PLCXD3: variants seen among roughly 807,000 people sequenced by gnomAD.
The protein encoded by PLCXD3 is phosphatidylinositol specific phospholipase C X domain containing 3.
Under a neutral mutation model 25.5 loss-of-function variants are expected in PLCXD3, and 19 were observed. The observed-to-expected ratio is 0.75, with a 90% CI of 0.52 to 1.09. The LOEUF (loss-of-function observed/expected upper bound fraction) is 1.09, where lower values mean the gene tolerates loss of function less well. Among genes scored for constraint, PLCXD3 ranks in the 50% least tolerant of loss-of-function variants. PLCXD3 has a pLI of 0.00. For missense variants in PLCXD3, 411 were observed against 388.1 expected (o/e 1.06, Z -0.50); for synonymous variants, 174 against 137.6 (o/e 1.26, Z -1.85).
chr5:41,448,313 T>C (rs1317040125), intron 1 of PLCXD3, among the ~76,000 whole-genome samples: 4 of 152,284 alleles, frequency 2.6e-5, no homozygotes, highest in Admixed American at 6.5e-5. Context: ...GAATAGGAGA[T>C]GTCTGAGGCC....
At chr5:41,428,374 G>GTTTTTTTTTTTTTTTTTT (rs373244601) in intron 1 of PLCXD3, among the ~76,000 whole-genome samples, 3 of 91,600 alleles carry the variant, frequency 3.3e-5, no homozygotes, top group African/African-American at 1.2e-4. Context: ...GTTAAAATGA[G>GTTTTTTTTTTTTTTTTTT]TTTTTTTGTT....
intron 1 of PLCXD3, among the ~76,000 whole-genome samples, chr5:41,394,578 A>G (rs1324385828): frequency 6.6e-6 from 1 of 152,144 alleles, no homozygotes; most frequent in Non-Finnish European, 1.5e-5. Context: ...AACACACTTT[A>G]CCCATAAAGT....
intron 2 of PLCXD3, among the ~76,000 whole-genome samples, chr5:41,369,124 C>T (rs1234385220): frequency 6.6e-6 from 1 of 152,092 alleles, no homozygotes; most frequent in Admixed American, 6.6e-5. Context: ...TCATGGAAGA[C>T]CATGTAGAAA....
rs138441326 is a variant in PLCXD3, at chr5:41,318,884, G to A, written c.813-5114C>T. ...TCACCTGTAAAGACACACATAGACC[G>A]AAAATAAAGGGTTGGAAAAAGATTC... On this transcript the variant is annotated intron_variant, in intron 2 of 2. Coordinates refer to ENST00000377801, the MANE Select transcript of PLCXD3 (RefSeq NM_001005473.3). 4.2e-3 allele frequency among the ~76,000 whole-genome samples: 634 copies of A among 152,092 alleles called. 6 individuals are homozygous for A. The highest frequency in any genetic ancestry group is 0.015 in the African/African-American group (605 of 41,512).
intron 1 of PLCXD3, among the ~76,000 whole-genome samples, chr5:41,383,469 C>G (rs559164760): frequency 6.6e-6 from 1 of 151,910 alleles, no homozygotes; most frequent in East Asian, 1.9e-4. Flanking sequence ...TTATTAGGAC[C>G]CAATAAAGAA....
chr5:41,330,974 G>C (rs1382564012), intron 2 of PLCXD3, among the ~76,000 whole-genome samples: 10 of 152,108 alleles, frequency 6.6e-5, no homozygotes, highest in African/African-American at 1.4e-4. Flanking sequence ...CTATGACAAA[G>C]CCACAGCCAA....
chr5:41,395,006 G>A (rs970466191), intron 1 of PLCXD3, among the ~76,000 whole-genome samples: 1 of 152,128 alleles, frequency 6.6e-6, no homozygotes, highest in East Asian at 1.9e-4. Context: ...TTTTATCCAT[G>A]AGCTGCAGAA....
intron 1 of PLCXD3, among the ~76,000 whole-genome samples, chr5:41,478,403 C>A (rs556825578): frequency 1.3e-5 from 2 of 152,296 alleles, no homozygotes; most frequent in African/African-American, 4.8e-5. Context: ...GAGTTAACAT[C>A]TAGATTTTAA....
rs548051702 is a variant in PLCXD3 at position 41,476,841 on chromosome 5, G to A, written c.103+33583C>T. ...GAAAACTGAAGTACAGAAAGGTTAGGGAGGTCCTAGTGTTTCCATCAAGGC... is the reference window on the plus strand; with the variant it reads ...GAAAACTGAAGTACAGAAAGGTTAGAGAGGTCCTAGTGTTTCCATCAAGGC... On this transcript the variant is annotated intron_variant, in intron 1 of 2. Coordinates refer to ENST00000377801, the MANE Select transcript of PLCXD3 (RefSeq NM_001005473.3). 3.3e-5 allele frequency among the ~76,000 whole-genome samples: 5 copies of A among 152,260 alleles called. No homozygotes were observed. The South Asian group carries it at 8.3e-4, about 25-fold the overall frequency.
intron 1 of PLCXD3, among the ~76,000 whole-genome samples, chr5:41,477,841 C>G (rs1315631653): frequency 6.6e-6 from 1 of 152,192 alleles, no homozygotes; most frequent in Non-Finnish European, 1.5e-5. Flanking sequence ...TCATTAAAAG[C>G]CTTCATCTCT....
At chr5:41,334,786 T>G (rs1276516993) in intron 2 of PLCXD3, among the ~76,000 whole-genome samples, 1 of 152,090 alleles carries the variant, frequency 6.6e-6, no homozygotes, top group South Asian at 2.1e-4. Flanking sequence ...GTTCATAAAA[T>G]GCACTCTGTC....
At chr5:41,368,410 G>T (rs36167572) in intron 2 of PLCXD3, among the ~76,000 whole-genome samples, 1 of 152,156 alleles carries the variant, frequency 6.6e-6, no homozygotes. Flanking sequence ...TGGTGAAGTT[G>T]CTTGTCAGCT....
At chr5:41,395,513 C>A (rs1226798542) in intron 1 of PLCXD3, among the ~76,000 whole-genome samples, 1 of 151,628 alleles carries the variant, frequency 6.6e-6, no homozygotes, top group Non-Finnish European at 1.5e-5. Flanking sequence ...TACAAAATAT[C>A]AATGAAACAA....
At chr5:41,469,240 T>G (rs1748096045) in intron 1 of PLCXD3, among the ~76,000 whole-genome samples, 1 of 152,214 alleles carries the variant, frequency 6.6e-6, no homozygotes, top group Non-Finnish European at 1.5e-5. Context: ...ATGATCATGA[T>G]GAATCATTCT....
At chr5:41,404,118 G>C (rs920023251) in intron 1 of PLCXD3, among the ~76,000 whole-genome samples, 16 of 152,104 alleles carry the variant, frequency 1.1e-4, no homozygotes, top group Non-Finnish European at 2.4e-4. Flanking sequence ...GCAATGGAGT[G>C]CACTGAAAGC....
intron 1 of PLCXD3, among the ~76,000 whole-genome samples, chr5:41,504,392 T>A (rs1197727146): frequency 6.6e-6 from 1 of 152,134 alleles, no homozygotes; most frequent in Non-Finnish European, 1.5e-5. Context: ...CCACATAAAA[T>A]CATACCTTAG....
intron 2 of PLCXD3, among the ~76,000 whole-genome samples, chr5:41,376,744 A>C (rs1250745028): frequency 6.6e-6 from 1 of 152,046 alleles, no homozygotes; most frequent in Non-Finnish European, 1.5e-5. Flanking sequence ...TCCAATTTGT[A>C]TTTAGGTATT....
intron 2 of PLCXD3, among the ~76,000 whole-genome samples, chr5:41,377,932 C>G (rs768049032): frequency 1.3e-5 from 2 of 152,006 alleles, no homozygotes; most frequent in African/African-American, 4.8e-5. Context: ...ATATGTAAGG[C>G]CCAGAGCAGT....
chr5:41,499,702 A>T (rs900771629), intron 1 of PLCXD3, among the ~76,000 whole-genome samples: 1 of 151,804 alleles, frequency 6.6e-6, no homozygotes, highest in African/African-American at 2.4e-5. Flanking sequence ...AGAAAGAAAA[A>T]CAAAGCTGGA....
Sources: allele counts gnomAD v4.1 joint callset (sites outside exome capture counted in the v4.1 genomes callset), GRCh38; gene constraint gnomAD v4.1.1; transcripts MANE v1.5; gene names NCBI Gene and HGNC (gene_info 2026-07-23, HGNC 2026-07-21).